The following PTPRD variants were observed in gnomAD, a reference collection of about 807,000 sequenced individuals.
PTPRD encodes receptor-type tyrosine-protein phosphatase delta.
A neutral mutation model predicts 214.5 loss-of-function variants in PTPRD; 34 were observed. The ratio of observed to expected loss-of-function variants is 0.16; its 90% CI spans 0.12 to 0.21. The LOEUF (loss-of-function observed/expected upper bound fraction) is 0.21. Among genes scored for constraint, PTPRD ranks in the 10% least tolerant of loss-of-function variants. The pLI, the probability that PTPRD is intolerant of heterozygous loss-of-function variation, is 1.00. For missense variants in PTPRD, 2,545 were observed against 2,398.7 expected (o/e 1.06, Z -1.27); for synonymous variants, 1,128 against 845.7 (o/e 1.33, Z -5.79).
intron 2 of PTPRD, among the ~76,000 whole-genome samples, chr9:10,395,284 A>ACGC (rs905139825): frequency 6.9e-6 from 1 of 144,796 alleles, no homozygotes; most frequent in Non-Finnish European, 1.5e-5. Flanking sequence ...CCAGTGTGTG[A>ACGC]GGCTTCCCTT....
At chr9:10,421,106 T>G (rs188659704) in intron 2 of PTPRD, among the ~76,000 whole-genome samples, 9 of 151,984 alleles carry the variant, frequency 5.9e-5, no homozygotes, top group African/African-American at 2.2e-4. Flanking sequence ...CATAATGTCT[T>G]AAGAAAGTTT....
intron 8 of PTPRD, among the ~76,000 whole-genome samples, chr9:9,553,754 A>T (rs2080882456): frequency 6.6e-6 from 1 of 152,096 alleles, no homozygotes; most frequent in Non-Finnish European, 1.5e-5. Context: ...TTATACTTGG[A>T]AATTGTTAGA....
chr9:8,528,636 C>T lies in PTPRD; in HGVS notation c.496G>A (p.Val166Met), dbSNP rs1332170873. 2 of 1,613,652 alleles carry T rather than the reference C, an allele frequency of 1.2e-6. No individual in the cohort carries two copies. Among genetic ancestry groups the T allele is most frequent in the Non-Finnish European group, 1.7e-6 (2 of 1,179,724 alleles). ...CGACCATTGTTGTTGCTTGTGTCCA[C>T]AGGTAAGAAATCTTTAAACCAAGTG... ...EITWFKDFLP[V>M]DTSNNNGRIK... The change falls in exon 15 of 46, where the codon GTG becomes ATG. Residue 166 changes from valine (V) to methionine (M), a missense_variant. Val to Met is a conservative substitution (Grantham distance 21). Transcript: ENST00000381196.
At chr9:9,139,529 T>C (rs1009522842) in intron 10 of PTPRD, among the ~76,000 whole-genome samples, 4 of 152,068 alleles carry the variant, frequency 2.6e-5, no homozygotes, top group African/African-American at 9.7e-5. Context: ...CTTGAACACA[T>C]GCTCTGTGAT....
intron 10 of PTPRD, among the ~76,000 whole-genome samples, chr9:9,044,712 A>C (rs1590396650): frequency 6.6e-6 from 1 of 152,216 alleles, no homozygotes; most frequent in African/African-American, 2.4e-5. Flanking sequence ...TTTTCTGCTT[A>C]AGGAGAATAT....
At chr9:10,158,681 T>C (rs964962881) in intron 3 of PTPRD, among the ~76,000 whole-genome samples, 1 of 152,158 alleles carries the variant, frequency 6.6e-6, no homozygotes, top group Non-Finnish European at 1.5e-5. Flanking sequence ...AATATTCATA[T>C]CCACGATGCC....
At position 9,645,605 on chromosome 9, in the gene PTPRD, A is replaced by G. The variant is rs546192932; in HGVS notation, c.-286-70824T>C. ...ATTTCTGATGTCTTCAATGGCTGCT[A>G]CAAAACAAAAACATAAACTTTAAAT... On this transcript the variant is annotated intron_variant, in intron 7 of 45. Transcript: ENST00000381196. 2.6e-5 allele frequency among the ~76,000 whole-genome samples: 4 copies of G among 151,958 alleles called. No individual in the cohort carries two copies. The South Asian group carries it at 6.2e-4, about 24-fold the overall frequency.
chr9:8,671,756 C>A (rs1228789537), intron 12 of PTPRD, among the ~76,000 whole-genome samples: 1 of 152,154 alleles, frequency 6.6e-6, no homozygotes, highest in East Asian at 1.9e-4. Context: ...TCAAAAGCTG[C>A]AACTTACGAC....
At chr9:9,337,496 AT>A (rs2045021687) in intron 9 of PTPRD, among the ~76,000 whole-genome samples, 1 of 152,150 alleles carries the variant, frequency 6.6e-6, no homozygotes, top group Non-Finnish European at 1.5e-5. Context: ...CCAGGGGATG[AT>A]TTTACTTAGA....
intron 10 of PTPRD, among the ~76,000 whole-genome samples, chr9:9,022,374 T>C (rs749963911): frequency 2.6e-5 from 4 of 152,130 alleles, no homozygotes; most frequent in African/African-American, 7.2e-5. Flanking sequence ...ATTGTAAGTG[T>C]CCTATGCAGG....
At chr9:8,486,587 G>A (rs1023811130) in intron 27 of PTPRD, 1 of 658,060 alleles carries the variant, frequency 1.5e-6, no homozygotes, top group Non-Finnish European at 2.8e-6. Context: ...AATTATCATT[G>A]AAACAACAGC....
intron 14 of PTPRD, among the ~76,000 whole-genome samples, chr9:8,537,647 C>G (rs2077279739): frequency 1.3e-5 from 2 of 151,968 alleles, no homozygotes; most frequent in South Asian, 4.1e-4. Context: ...AGCTAAGAGC[C>G]TCATTAGCAG....
intron 4 of PTPRD, among the ~76,000 whole-genome samples, chr9:9,972,511 T>A (rs946700088): frequency 1.3e-5 from 2 of 152,208 alleles, no homozygotes; most frequent in African/African-American, 2.4e-5. Context: ...ATTACTTGAG[T>A]GCCTATTTGT....
chr9:9,572,316 A>G (rs547085772), intron 8 of PTPRD, among the ~76,000 whole-genome samples: 3 of 151,492 alleles, frequency 2.0e-5, no homozygotes, highest in Admixed American at 1.3e-4. Flanking sequence ...ATAATTGGCT[A>G]TGGTTAGTTT....
chr9:8,735,727 T>A (rs1421107680), intron 11 of PTPRD, among the ~76,000 whole-genome samples: 1 of 151,780 alleles, frequency 6.6e-6, no homozygotes, highest in Admixed American at 6.6e-5. Context: ...CTGGCCAACA[T>A]GGTGAAACTC....
chr9:10,487,700 TG>T (rs953809073), intron 2 of PTPRD, among the ~76,000 whole-genome samples: 1 of 138,898 alleles, frequency 7.2e-6, no homozygotes, highest in Admixed American at 7.4e-5. Context: ...CAGGGCCTGT[TG>T]GGGGGTGGAG....
chr9:9,187,489 G>C (rs1335000698), intron 9 of PTPRD, among the ~76,000 whole-genome samples: 1 of 152,048 alleles, frequency 6.6e-6, no homozygotes, highest in Non-Finnish European at 1.5e-5. Flanking sequence ...ACAATACAAA[G>C]CCAAGACAGA....
rs554565559 is a variant in PTPRD, at chr9:8,851,410, C to G, written c.-103-117464G>C. Among the ~76,000 whole-genome samples the G allele has an allele frequency of 1.2e-4, 18 of 152,234 alleles. No individual in the cohort carries two copies. In the East Asian group the frequency reaches 3.5e-3, roughly 29 times the overall value. On this transcript the variant is annotated intron_variant, in intron 11 of 45. Transcript: ENST00000381196. ...AATGCTTTCTAAGATAAACAACATA[C>G]CGTGCCATGCTAATATGTACAGACT... is the stretch of plus-strand genomic sequence containing the variant.
At chr9:9,589,624 A>C (rs1292824025) in intron 7 of PTPRD, among the ~76,000 whole-genome samples, 1 of 152,066 alleles carries the variant, frequency 6.6e-6, no homozygotes, top group East Asian at 1.9e-4. Flanking sequence ...ATTAATATTC[A>C]CAAATATAGC....
Sources: gnomAD v4.1 joint callset for allele counts (sites outside exome capture counted in the v4.1 genomes callset) on GRCh38, gnomAD v4.1.1 for gene constraint, MANE v1.5 for transcripts, NCBI Gene and HGNC (gene_info 2026-07-23, HGNC 2026-07-21) for gene names.